The following FSIP1 variants were observed in gnomAD, a reference collection of about 807,000 sequenced individuals.
FSIP1 encodes the protein fibrous sheath interacting protein 1, also known as fibrous sheath-interacting protein 1.
FSIP1 carries 65 observed loss-of-function variants against 60.9 expected under a neutral mutation model. That is an observed-to-expected ratio of 1.07 (90% CI 0.87 to 1.31). FSIP1 has a LOEUF of 1.31. Ranked by LOEUF, FSIP1 falls within the 40% of genes most tolerant of loss-of-function variation. FSIP1 has a pLI of 0.00. For synonymous variants in FSIP1, 209 were observed against 221.2 expected, an observed-to-expected ratio of 0.94 and a Z score of 0.49; for missense variants, 675 against 665.5, an observed-to-expected ratio of 1.01 and a Z score of -0.16.
chr15:39,684,839 C>G (rs1486918339), intron 10 of FSIP1, among the ~76,000 whole-genome samples: 1 of 152,148 alleles, frequency 6.6e-6, no homozygotes, highest in Non-Finnish European at 1.5e-5. Context: ...GCTTTCCACT[C>G]AACCCTGCAA....
intron 10 of FSIP1, among the ~76,000 whole-genome samples, chr15:39,630,977 G>A (rs1891859467): frequency 6.6e-6 from 1 of 152,232 alleles, no homozygotes; most frequent in Non-Finnish European, 1.5e-5. Flanking sequence ...TGCCCTCTGT[G>A]TCTCCCAAAC....
chr15:39,600,908 T>A lies in FSIP1; in HGVS notation c.1718A>T (p.Asp573Val), dbSNP rs775091136. 6.2e-7 allele frequency: 1 copy of A among 1,611,558 alleles called. No individual in the cohort carries two copies. The highest frequency in any genetic ancestry group is 8.5e-7 in the Non-Finnish European group (1 of 1,179,126). The change falls in exon 12 of 12, where the codon GAT becomes GTT. Residue 573 changes from aspartate (D) to valine (V), a missense_variant. Transcript: ENST00000350221. Reference sequence around the variant, plus strand: ...GGGTTCTTTACATTCTTCTGCTGCATCTTTAGTCTCCTGCTCATCTGCACA... The same window carrying A: ...GGGTTCTTTACATTCTTCTGCTGCAACTTTAGTCTCCTGCTCATCTGCACA... Reference protein sequence around the residue: ...NTIADEQETKDAAEECKEP With the variant: ...NTIADEQETKVAAEECKEP
At chr15:39,743,179 A>G (rs1176470968) in intron 5 of FSIP1, among the ~76,000 whole-genome samples, 2 of 152,228 alleles carry the variant, frequency 1.3e-5, no homozygotes, top group African/African-American at 4.8e-5. Flanking sequence ...AGACACAAAA[A>G]TATGAAAATT....
intron 10 of FSIP1, among the ~76,000 whole-genome samples, chr15:39,673,479 A>T (rs77190037): frequency 6.6e-6 from 1 of 150,766 alleles, no homozygotes; most frequent in Non-Finnish European, 1.5e-5. Context: ...ACACCTGGTT[A>T]TTTTTTTTTA....
At chr15:39,717,714 C>T (rs1033667911) in intron 9 of FSIP1, among the ~76,000 whole-genome samples, 2 of 152,136 alleles carry the variant, frequency 1.3e-5, no homozygotes, top group African/African-American at 4.8e-5. Flanking sequence ...TGAAATGGCC[C>T]CATAGGCACA....
intron 10 of FSIP1, among the ~76,000 whole-genome samples, chr15:39,622,603 C>A (rs150611049): frequency 5.3e-5 from 8 of 152,286 alleles, no homozygotes; most frequent in African/African-American, 1.9e-4. Context: ...TGTATTGATT[C>A]CTTTAATTTT....
chr15:39,704,406 T>C (rs1895183381), intron 10 of FSIP1, among the ~76,000 whole-genome samples: 1 of 152,200 alleles, frequency 6.6e-6, no homozygotes, highest in Non-Finnish European at 1.5e-5. Context: ...TGGAGTAGTG[T>C]TGAATGTGGA....
chr15:39,707,960 T>A (rs1018618614), intron 10 of FSIP1, among the ~76,000 whole-genome samples: 8 of 152,120 alleles, frequency 5.3e-5, no homozygotes, highest in African/African-American at 1.9e-4. Flanking sequence ...AGAAAACTAC[T>A]CTCTTGTTTG....
At chr15:39,631,495 C>T (rs1297241908) in intron 10 of FSIP1, among the ~76,000 whole-genome samples, 3 of 152,210 alleles carry the variant, frequency 2.0e-5, no homozygotes, top group African/African-American at 7.2e-5. Context: ...TGAAAGTATT[C>T]TCCATATCAC....
intron 4 of FSIP1, 97 bp from the exon 5 acceptor site, chr15:39,764,011 C>A: frequency 1.5e-6 from 1 of 676,092 alleles, no homozygotes; most frequent in South Asian, 1.8e-5. Context: ...CACATACGTA[C>A]AAACGAGAAG....
chr15:39,763,956 G>A (rs1447057892), intron 4 of FSIP1, 42 bp from the exon 5 acceptor site: 8 of 1,034,584 alleles, frequency 7.7e-6, no homozygotes, highest in South Asian at 2.7e-5. Flanking sequence ...GGAAAAGAAG[G>A]CAACTATAAT....
At position 39,600,766 on chromosome 15, in the gene FSIP1, A is replaced by G; in HGVS notation, c.*114T>C. 1.4e-6 allele frequency: 1 copy of G among 740,178 alleles called. No individual in the cohort carries two copies. The highest frequency in any genetic ancestry group is 2.9e-5 in the East Asian group (1 of 34,406). The allele number at this position is 740,178 out of a possible 1,614,324, so 45.9% of individuals were successfully genotyped here. Reference sequence around the variant, plus strand: ...CCACAAAGAGCGACTCCAAATGTCAAAATCAATAAAGAATAGTCTCTGCAG... The same window carrying G: ...CCACAAAGAGCGACTCCAAATGTCAGAATCAATAAAGAATAGTCTCTGCAG... On this transcript the variant is annotated 3_prime_UTR_variant, in exon 12 of 12. Coordinates refer to ENST00000350221, the MANE Select transcript of FSIP1 (RefSeq NM_152597.5).
intron 9 of FSIP1, among the ~76,000 whole-genome samples, chr15:39,719,763 A>C (rs1895882507): frequency 6.6e-6 from 1 of 152,200 alleles, no homozygotes; most frequent in South Asian, 2.1e-4. Flanking sequence ...TGTTTTTATC[A>C]CCTTGGAATA....
chr15:39,691,098 G>A (rs1048414770), intron 10 of FSIP1, among the ~76,000 whole-genome samples: 4 of 152,136 alleles, frequency 2.6e-5, no homozygotes, highest in Non-Finnish European at 5.9e-5. Flanking sequence ...ACTTTGTCTC[G>A]CCACCAATTT....
rs148487798 is a variant in FSIP1, at chr15:39,776,591, G to A, written c.-7-60C>T. On this transcript the variant is annotated intron_variant, in intron 1 of 11. Coordinates refer to ENST00000350221, the MANE Select transcript of FSIP1 (RefSeq NM_152597.5). ...ACTCGGATATTTAAATCTTTCATTA[G>A]TTAGTATTAATATCCAATTACTCAG... 5 of 1,409,060 alleles carry A rather than the reference G, an allele frequency of 3.5e-6. No individual in the cohort carries two copies. The East Asian group carries it at 9.1e-5, about 26-fold the overall frequency. 87.3% of individuals were successfully genotyped at this position (1,409,060 alleles called of 1,614,324 possible).
intron 9 of FSIP1, among the ~76,000 whole-genome samples, chr15:39,717,246 A>G (rs1046325474): frequency 1.7e-5 from 2 of 121,086 alleles, no homozygotes; most frequent in African/African-American, 6.1e-5. Flanking sequence ...TAAAAACTGA[A>G]AACAGCCCAG....
At position 39,618,185 on chromosome 15, in the gene FSIP1, G is replaced by A; in HGVS notation, c.1249C>T (p.Leu417Phe). ...QLKCLLDECI[L>F]KQKSIIKLSS... is the part of the protein sequence containing the mutation. ...AGTTTAATGATGGATTTTTGTTTAAGTATGCATTCATCCAGAAGACACTTT... is the reference window on the plus strand; with the variant it reads ...AGTTTAATGATGGATTTTTGTTTAAATATGCATTCATCCAGAAGACACTTT... Residue 417 changes from leucine (L) to phenylalanine (F), a missense_variant, in exon 11 of 12, where the codon CTT becomes TTT. Leu to Phe is a conservative substitution (Grantham distance 22, BLOSUM62 0). Transcript: ENST00000350221. 2 of 1,613,684 alleles carry A rather than the reference G, an allele frequency of 1.2e-6. No homozygotes were observed. Among genetic ancestry groups the A allele is most frequent in the Non-Finnish European group, 1.7e-6 (2 of 1,179,692 alleles).
chr15:39,776,206 G>GAGGA (rs1898055802), intron 2 of FSIP1, among the ~76,000 whole-genome samples, 193 bp downstream of exon 2: 1 of 115,520 alleles, frequency 8.7e-6, no homozygotes, highest in Non-Finnish European at 1.8e-5. Flanking sequence ...GAGAGGGAGG[G>GAGGA]AGGGAGGGAG....
At chr15:39,714,013 GTCAGGAGTTTTGAATC>G (rs1454216661) in intron 9 of FSIP1, among the ~76,000 whole-genome samples, 2 of 152,184 alleles carry the variant, frequency 1.3e-5, no homozygotes, top group Non-Finnish European at 2.9e-5. Context: ...ATTTGGCAAG[GTCAGGAGTTTTGAATC>G]TTTGCCCTGC....
Sources: gnomAD v4.1 joint callset for allele counts (sites outside exome capture counted in the v4.1 genomes callset) on GRCh38, gnomAD v4.1.1 for gene constraint, MANE v1.5 for transcripts, NCBI Gene and HGNC (gene_info 2026-07-23, HGNC 2026-07-21) for gene names.